The following PAM variants were observed in gnomAD, a reference collection of about 807,000 sequenced individuals.
PAM encodes the protein peptidylglycine alpha-amidating monooxygenase.
Under a neutral mutation model 122.1 loss-of-function variants are expected in PAM, and 72 were observed. The ratio of observed to expected loss-of-function variants is 0.59; its 90% CI spans 0.49 to 0.72. The LOEUF is 0.72. Ranked by LOEUF, PAM falls within the 30% of genes least tolerant of loss-of-function variation. The pLI is 0.00. For missense variants in PAM, 1,106 were observed against 1,183.7 expected (o/e 0.93, Z 0.96); for synonymous variants, 389 against 404.4 (o/e 0.96, Z 0.46).
chr5:102,890,983 T>C (rs982819891), intron 3 of PAM, among the ~76,000 whole-genome samples: 1 of 151,894 alleles, frequency 6.6e-6, no homozygotes, highest in Non-Finnish European at 1.5e-5. Context: ...TTATTAATAT[T>C]ATCTTTGAAT....
Position 102,770,131 on chromosome 5 carries a change from T to A in PAM, c.-374+14783T>A, listed in dbSNP as rs574701080. On this transcript the variant is annotated intron_variant, in intron 1 of 25. Transcript: ENST00000438793. Reference sequence around the variant, plus strand: ...ATTTGTGGCTTTTTTAATAGGATTTTAAAAAATTTCTTCTTCAGATTGTTT... The same window carrying A: ...ATTTGTGGCTTTTTTAATAGGATTTAAAAAAATTTCTTCTTCAGATTGTTT... Among the ~76,000 whole-genome samples the A allele has an allele frequency of 1.3e-3, 202 of 152,230 alleles. 2 individuals are homozygous for A. The highest frequency in any genetic ancestry group is 4.5e-3 in the African/African-American group (188 of 41,560).
At chr5:102,922,096 C>T (rs575383756) in intron 5 of PAM, among the ~76,000 whole-genome samples, 1 of 152,038 alleles carries the variant, frequency 6.6e-6, no homozygotes, top group Non-Finnish European at 1.5e-5. Context: ...TAATTCAGCT[C>T]TTTAAGTCTC....
intron 3 of PAM, among the ~76,000 whole-genome samples, chr5:102,867,964 A>G (rs973337848): frequency 1.3e-5 from 2 of 152,248 alleles, no homozygotes; most frequent in African/African-American, 2.4e-5. Context: ...GCTCATATAA[A>G]TGTGACTTAT....
intron 1 of PAM, among the ~76,000 whole-genome samples, chr5:102,843,630 A>G (rs1181314360): frequency 6.6e-6 from 1 of 152,214 alleles, no homozygotes; most frequent in Non-Finnish European, 1.5e-5. Context: ...CCTTATGCCT[A>G]TAGTATGCAA....
At chr5:102,789,888 A>G (rs576256184) in intron 1 of PAM, among the ~76,000 whole-genome samples, 3 of 152,252 alleles carry the variant, frequency 2.0e-5, no homozygotes, top group South Asian at 2.1e-4. Flanking sequence ...AAAAGAAACT[A>G]ACAAGACAAA....
intron 1 of PAM, among the ~76,000 whole-genome samples, chr5:102,820,692 A>G (rs77009968): frequency 0.026 from 3,926 of 152,296 alleles, 92 homozygotes; most frequent in East Asian, 0.12. Flanking sequence ...GTATATAATG[A>G]AATAATAATG....
intron 14 of PAM, among the ~76,000 whole-genome samples, chr5:102,969,175 C>T (rs1259950951): frequency 2.6e-5 from 4 of 151,360 alleles, no homozygotes; most frequent in Non-Finnish European, 2.9e-5. Flanking sequence ...AACCATGGCA[C>T]GTGGATACCT....
intron 1 of PAM, among the ~76,000 whole-genome samples, chr5:102,857,497 A>C (rs1782954300): frequency 6.6e-6 from 1 of 152,252 alleles, no homozygotes; most frequent in Non-Finnish European, 1.5e-5. Context: ...CCATAGGCAT[A>C]GGACTTCGAT....
At chr5:102,771,602 G>A (rs1013893533) in intron 1 of PAM, among the ~76,000 whole-genome samples, 18 of 152,110 alleles carry the variant, frequency 1.2e-4, no homozygotes, top group African/African-American at 4.1e-4. Flanking sequence ...GCTTGGTCTA[G>A]CATTTTCAAC....
At chr5:103,022,573 T>C (rs1783873721) in intron 23 of PAM, among the ~76,000 whole-genome samples, 1 of 152,156 alleles carries the variant, frequency 6.6e-6, no homozygotes, top group South Asian at 2.1e-4. Context: ...TTTCCAAATA[T>C]CTATAGAGAT....
intron 3 of PAM, among the ~76,000 whole-genome samples, chr5:102,898,933 G>A (rs987769264): frequency 2.0e-5 from 3 of 151,526 alleles, no homozygotes; most frequent in Non-Finnish European, 3.0e-5. Context: ...TTTTCCATGC[G>A]TAAAATGGTG....
intron 21 of PAM, among the ~76,000 whole-genome samples, chr5:103,015,837 A>G (rs927565246): frequency 3.3e-5 from 5 of 152,176 alleles, no homozygotes; most frequent in African/African-American, 1.2e-4. Flanking sequence ...CCTTGAATTT[A>G]TGACATATTG....
chr5:103,028,805 G>T, intron 25 of PAM, 82 bp from the exon 26 acceptor site: 2 of 919,112 alleles, frequency 2.2e-6, no homozygotes, highest in Non-Finnish European at 3.3e-6. Context: ...CCCACCTTCT[G>T]ACTTTATCAT....
At position 102,935,140 on chromosome 5, in the gene PAM, C is replaced by T. The variant is rs564331597; in HGVS notation, c.526+8472C>T. Reference sequence around the variant, plus strand: ...GATAAAACCCTCTTCAATCATACCTCCCTTTCTCACCTAATTCCTCCCCAC... The same window carrying T: ...GATAAAACCCTCTTCAATCATACCTTCCTTTCTCACCTAATTCCTCCCCAC... On this transcript the variant is annotated intron_variant, in intron 7 of 25. Transcript: ENST00000438793. Among the ~76,000 whole-genome samples, 107 of 152,244 alleles carry T rather than the reference C, an allele frequency of 7.0e-4. No individual in the cohort carries two copies. In the South Asian group the frequency reaches 0.021, roughly 30 times the overall value.
At chr5:102,998,365 G>A (rs1389643159) in intron 16 of PAM, among the ~76,000 whole-genome samples, 5 of 152,150 alleles carry the variant, frequency 3.3e-5, no homozygotes, top group Admixed American at 2.6e-4. Flanking sequence ...GAGAGGGGAA[G>A]ATGTGGAATT....
At chr5:102,835,978 C>A (rs780683871) in intron 1 of PAM, among the ~76,000 whole-genome samples, 21 of 151,958 alleles carry the variant, frequency 1.4e-4, no homozygotes, top group Admixed American at 3.3e-4. Context: ...GCAAATATAC[C>A]TTTCTAGTCA....
chr5:102,919,730 C>T (rs897551992), intron 5 of PAM, among the ~76,000 whole-genome samples: 3 of 152,078 alleles, frequency 2.0e-5, no homozygotes, highest in Non-Finnish European at 4.4e-5. Flanking sequence ...AGATTCCTAT[C>T]ATATCGCATA....
At chr5:102,970,797 T>G (rs570022270) in intron 14 of PAM, among the ~76,000 whole-genome samples, 1 of 151,936 alleles carries the variant, frequency 6.6e-6, no homozygotes, top group Admixed American at 6.5e-5. Flanking sequence ...TTTTTTTTAA[T>G]TTTATTTTTT....
intron 1 of PAM, among the ~76,000 whole-genome samples, chr5:102,786,047 T>C (rs547995702): frequency 6.6e-6 from 1 of 152,344 alleles, no homozygotes; most frequent in East Asian, 1.9e-4. Flanking sequence ...AGCAGAATTA[T>C]GGTAAAGCAA....
Sources: gnomAD v4.1 joint callset for allele counts (sites outside exome capture counted in the v4.1 genomes callset) on GRCh38, gnomAD v4.1.1 for gene constraint, MANE v1.5 for transcripts, NCBI Gene and HGNC (gene_info 2026-07-23, HGNC 2026-07-21) for gene names.